Variants in GPHN observed in about 807,000 individuals in gnomAD.
GPHN encodes the protein gephyrin.
GPHN carries 17 observed loss-of-function variants against 95.5 expected under a neutral mutation model. The ratio of observed to expected loss-of-function variants is 0.18; its 90% CI spans 0.12 to 0.27. The LOEUF (loss-of-function observed/expected upper bound fraction) is 0.27, where lower values mean the gene tolerates loss of function less well. GPHN is among the 10% of genes least tolerant of loss of function. The pLI, the probability that GPHN is intolerant of heterozygous loss-of-function variation, is 1.00. For missense variants in GPHN, 660 were observed against 978.1 expected, an observed-to-expected ratio of 0.67 and a Z score of 4.34; for synonymous variants, 320 against 322.5, an observed-to-expected ratio of 0.99 and a Z score of 0.08.
intron 1 of GPHN, among the ~76,000 whole-genome samples, chr14:66,575,668 G>T (rs1438880132): frequency 1.3e-5 from 2 of 152,172 alleles, no homozygotes; most frequent in African/African-American, 4.8e-5. Flanking sequence ...GGTTATGTCT[G>T]CTGGAGCAGG....
At chr14:66,575,513 G>A (rs2060866787) in intron 1 of GPHN, among the ~76,000 whole-genome samples, 1 of 152,354 alleles carries the variant, frequency 6.6e-6, no homozygotes, top group South Asian at 2.1e-4. Flanking sequence ...GACAGAAGAA[G>A]CTCTTTACCA....
rs148654680 is a variant in GPHN, at chr14:67,097,248, A to T, written c.1238-3608A>T. Among the ~76,000 whole-genome samples the T allele has an allele frequency of 2.0e-5, 3 of 152,324 alleles. No individual in the cohort carries two copies. The East Asian group carries it at 5.8e-4, about 29-fold the overall frequency. On this transcript the variant is annotated intron_variant, in intron 12 of 22. Coordinates refer to ENST00000478722, the MANE Select transcript of GPHN (RefSeq NM_020806.5). ...CAGATATGACTTCACAGAGAAGATG[A>T]CACTTGAGCTGAGTCTTAACAGCTA...
the GPHN span, chr14:67,541,796 T>G: frequency 1.4e-6 from 2 of 1,388,440 alleles, no homozygotes; most frequent in Non-Finnish European, 9.7e-7. Flanking sequence ...CCTCACACGC[T>G]TATTTATCTT....
chr14:66,660,061 A>C (rs1167181986), intron 1 of GPHN, among the ~76,000 whole-genome samples: 2 of 151,676 alleles, frequency 1.3e-5, no homozygotes, highest in African/African-American at 4.8e-5. Context: ...ATTTTTAATG[A>C]TATCTCTTTT....
At chr14:67,729,100 C>A in the GPHN span, 1 of 1,321,338 alleles carries the variant, frequency 7.6e-7, no homozygotes, top group South Asian at 1.2e-5. Flanking sequence ...CTGAGTCCCT[C>A]CTTCTCACTT....
chr14:66,976,216 C>A (rs1243675465), intron 9 of GPHN, among the ~76,000 whole-genome samples: 1 of 152,132 alleles, frequency 6.6e-6, no homozygotes, highest in Non-Finnish European at 1.5e-5. Context: ...ATATTGATTT[C>A]TCTCGATATC....
the GPHN span, among the ~76,000 whole-genome samples, chr14:67,591,472 G>A: frequency 6.6e-6 from 1 of 152,152 alleles, no homozygotes; most frequent in Admixed American, 6.5e-5. Context: ...AGGGTTAACT[G>A]TATACATAAA....
At chr14:67,397,594 C>A in the GPHN span, 7 of 1,372,274 alleles carry the variant, frequency 5.1e-6, 1 homozygote, top group South Asian at 1.0e-4. Flanking sequence ...ACACCACTTT[C>A]CCAAAGAGGC....
chr14:67,358,803 C>T, the GPHN span, among the ~76,000 whole-genome samples: 2 of 152,288 alleles, frequency 1.3e-5, no homozygotes, highest in South Asian at 4.1e-4. Flanking sequence ...TACAAACTAG[C>T]CAAACACCTA....
intron 10 of GPHN, among the ~76,000 whole-genome samples, chr14:67,030,157 G>GT (rs1555468199): frequency 2.0e-5 from 3 of 151,390 alleles, no homozygotes; most frequent in African/African-American, 2.4e-5. Context: ...CTAAACTTCA[G>GT]TTTTTTTTCC....
chr14:67,048,697 C>T (rs1192184452), intron 10 of GPHN, among the ~76,000 whole-genome samples: 11 of 152,158 alleles, frequency 7.2e-5, no homozygotes, highest in Admixed American at 7.2e-4. Context: ...ACCAAACAAG[C>T]TAGTCTACCT....
the GPHN span, among the ~76,000 whole-genome samples, chr14:67,287,702 T>G: frequency 1.3e-5 from 2 of 152,190 alleles, no homozygotes; most frequent in African/African-American, 4.8e-5. Flanking sequence ...TCCTAGAAAT[T>G]TATTCTAAGG....
At chr14:67,573,344 G>T in the GPHN span, 1 of 1,613,762 alleles carries the variant, frequency 6.2e-7, no homozygotes. This position sits in a 1 kb window ranked among gnomAD's most constrained non-coding sequence, Gnocchi z 4.8. Flanking sequence ...AGAGGCGCTG[G>T]TTTGTCCTGA....
intron 9 of GPHN, among the ~76,000 whole-genome samples, chr14:66,984,373 A>T (rs1879381178): frequency 6.6e-6 from 1 of 152,196 alleles, no homozygotes; most frequent in Admixed American, 6.5e-5. Flanking sequence ...ATTGTTTCTA[A>T]ATTTGACAAT....
At chr14:67,174,244 C>T (rs1302707467) in intron 21 of GPHN, among the ~76,000 whole-genome samples, 15 of 150,074 alleles carry the variant, frequency 1.0e-4, no homozygotes, top group Admixed American at 6.0e-4. Context: ...CACAACCCCC[C>T]GACAGGCCCC....
At chr14:67,486,761 G>A in the GPHN span, among the ~76,000 whole-genome samples, 2 of 152,098 alleles carry the variant, frequency 1.3e-5, no homozygotes, top group Non-Finnish European at 2.9e-5. Flanking sequence ...TCAGCAGCAC[G>A]AAAACAAACT....
At chr14:66,535,518 T>C (rs2059112676) in intron 1 of GPHN, among the ~76,000 whole-genome samples, 1 of 152,136 alleles carries the variant, frequency 6.6e-6, no homozygotes, top group South Asian at 2.1e-4. Context: ...AATATTATGA[T>C]TGGGATTGCA....
At chr14:67,701,505 A>C in the GPHN span, among the ~76,000 whole-genome samples, 1 of 143,906 alleles carries the variant, frequency 6.9e-6, no homozygotes, top group Non-Finnish European at 1.5e-5. Context: ...CTCACTGCAA[A>C]CTCCGCATTC....
At chr14:66,831,616 G>A (rs2061583307) in intron 4 of GPHN, among the ~76,000 whole-genome samples, 1 of 152,118 alleles carries the variant, frequency 6.6e-6, no homozygotes, top group Admixed American at 6.5e-5. Flanking sequence ...TTAAATATTA[G>A]TGCTACTACT....
Sources: allele counts gnomAD v4.1 joint callset (sites outside exome capture counted in the v4.1 genomes callset), GRCh38; gene constraint gnomAD v4.1.1; non-coding constraint Gnocchi (gnomAD v3.1); transcripts MANE v1.5; gene names NCBI Gene and HGNC (gene_info 2026-07-23, HGNC 2026-07-21).